The following FHIT variants were observed in gnomAD, a reference collection of about 807,000 sequenced individuals.
FHIT encodes the protein bis(5'-adenosyl)-triphosphatase.
Under a neutral mutation model 17.9 loss-of-function variants are expected in FHIT, and 19 were observed. That is an observed-to-expected ratio of 1.06 (90% CI 0.74 to 1.56). FHIT has a LOEUF of 1.56. Ranked by LOEUF, FHIT falls within the 40% of genes most tolerant of loss-of-function variation. FHIT has a pLI of 0.00. For missense variants in FHIT, 248 were observed against 189.2 expected, an observed-to-expected ratio of 1.31 and a Z score of -1.82; for synonymous variants, 81 against 69.7, an observed-to-expected ratio of 1.16 and a Z score of -0.81.
intron 5 of FHIT, among the ~76,000 whole-genome samples, chr3:60,316,014 T>C (rs1479211812): frequency 6.6e-6 from 1 of 152,212 alleles, no homozygotes; most frequent in Non-Finnish European, 1.5e-5. Context: ...CCTGACTAAC[T>C]ACACAATAGT....
At chr3:60,608,125 C>T (rs2038666310) in intron 4 of FHIT, among the ~76,000 whole-genome samples, 1 of 152,172 alleles carries the variant, frequency 6.6e-6, no homozygotes, top group Non-Finnish European at 1.5e-5. Flanking sequence ...TGTCCATCTT[C>T]CCTCGTCTGC....
chr3:61,243,404 C>T (rs2040417107), intron 1 of FHIT, among the ~76,000 whole-genome samples: 1 of 152,086 alleles, frequency 6.6e-6, no homozygotes, highest in Admixed American at 6.6e-5. Flanking sequence ...TTTTTCCTCC[C>T]TCACAATCAC....
chr3:61,137,244 C>T lies in FHIT; in HGVS notation c.-164+63373G>A, dbSNP rs74705459. ...ACTGAATAGTTTGCCTTTTCTAAAACGTATCATAGGTTTCACTCTTTTTTT... is the reference window on the plus strand; with the variant it reads ...ACTGAATAGTTTGCCTTTTCTAAAATGTATCATAGGTTTCACTCTTTTTTT... On this transcript the variant is annotated intron_variant, in intron 2 of 9. Coordinates refer to ENST00000492590, the MANE Select transcript of FHIT (RefSeq NM_002012.4). Among the ~76,000 whole-genome samples, 545 of 145,076 alleles carry T rather than the reference C, an allele frequency of 3.8e-3. 3 individuals are homozygous for T. Among genetic ancestry groups the T allele is most frequent in the African/African-American group, 0.013 (522 of 39,554 alleles).
chr3:60,064,614 C>T (rs2106940501), intron 5 of FHIT, among the ~76,000 whole-genome samples: 1 of 152,278 alleles, frequency 6.6e-6, no homozygotes, highest in South Asian at 2.1e-4. Flanking sequence ...GACTCTAGCT[C>T]ACAAAGCAGA....
intron 2 of FHIT, among the ~76,000 whole-genome samples, chr3:61,046,321 C>CCA (rs1159299059): frequency 6.6e-6 from 1 of 152,034 alleles, no homozygotes; most frequent in Non-Finnish European, 1.5e-5. Context: ...ACCACCGATC[C>CCA]CACAGAAATA....
At chr3:60,246,267 T>C (rs368491507) in intron 5 of FHIT, among the ~76,000 whole-genome samples, 5 of 152,192 alleles carry the variant, frequency 3.3e-5, no homozygotes. Flanking sequence ...CAAATATATA[T>C]AGAGAGTTAT....
rs1321930817 is a variant in FHIT, at chr3:60,269,909, C to T, written c.104-255757G>A. Among the ~76,000 whole-genome samples the T allele has an allele frequency of 2.0e-5, 3 of 152,124 alleles. No individual in the cohort carries two copies. In the East Asian group the frequency reaches 5.8e-4, roughly 29 times the overall value. ...ACCCCTATGGGTGAACATTTGCTGA[C>T]CTTGTAATTAGTTATAAACTCATGG... On this transcript the variant is annotated intron_variant, in intron 5 of 9. Coordinates refer to ENST00000492590, the MANE Select transcript of FHIT (RefSeq NM_002012.4).
At chr3:60,337,142 A>G (rs1388505536) in intron 5 of FHIT, among the ~76,000 whole-genome samples, 1 of 152,160 alleles carries the variant, frequency 6.6e-6, no homozygotes, top group Non-Finnish European at 1.5e-5. Context: ...CACAATTGAG[A>G]CAACAATTCT....
intron 4 of FHIT, among the ~76,000 whole-genome samples, chr3:60,609,095 A>G (rs1475510211): frequency 1.3e-5 from 2 of 151,808 alleles, no homozygotes; most frequent in Admixed American, 6.6e-5. Flanking sequence ...CTCTGAATGG[A>G]CATGGATCAT....
At chr3:59,796,055 T>G (rs1384566875) in intron 8 of FHIT, among the ~76,000 whole-genome samples, 1 of 152,178 alleles carries the variant, frequency 6.6e-6, no homozygotes, top group African/African-American at 2.4e-5. Context: ...GAATGCCACC[T>G]TCTGAGTTCA....
chr3:60,321,528 G>T (rs1709432719), intron 5 of FHIT, among the ~76,000 whole-genome samples: 3 of 152,102 alleles, frequency 2.0e-5, no homozygotes. Flanking sequence ...TCACTTAAGA[G>T]ATGCATAATC....
intron 5 of FHIT, among the ~76,000 whole-genome samples, chr3:60,284,690 GATAACGC>G (rs890742717): frequency 3.3e-5 from 5 of 152,006 alleles, no homozygotes; most frequent in Admixed American, 2.0e-4. Flanking sequence ...ATGTTTCTAA[GATAACGC>G]ATGGACTTTT....
At chr3:61,073,323 C>T (rs1458732613) in intron 2 of FHIT, among the ~76,000 whole-genome samples, 1 of 151,974 alleles carries the variant, frequency 6.6e-6, no homozygotes, top group Non-Finnish European at 1.5e-5. Context: ...CTATAGGGGC[C>T]CTATAGTAAT....
intron 2 of FHIT, among the ~76,000 whole-genome samples, chr3:61,051,724 G>A (rs899945496): frequency 6.6e-6 from 1 of 152,168 alleles, no homozygotes; most frequent in Non-Finnish European, 1.5e-5. Context: ...TATAACACAT[G>A]CAAAGAGATG....
chr3:60,694,657 A>G (rs2041073298), intron 4 of FHIT, among the ~76,000 whole-genome samples: 2 of 152,220 alleles, frequency 1.3e-5, no homozygotes. Context: ...AAGACCTGGA[A>G]CCAACCCAAA....
At chr3:60,161,146 G>C (rs1700921172) in intron 5 of FHIT, among the ~76,000 whole-genome samples, 1 of 152,192 alleles carries the variant, frequency 6.6e-6, no homozygotes, top group Non-Finnish European at 1.5e-5. Flanking sequence ...GTGTGGCTAT[G>C]TTTGGTCTCT....
intron 5 of FHIT, among the ~76,000 whole-genome samples, chr3:60,046,394 G>C (rs923060423): frequency 6.6e-6 from 1 of 152,212 alleles, no homozygotes; most frequent in African/African-American, 2.4e-5. Flanking sequence ...GTAGCTGGCT[G>C]CATCTGTGCT....
intron 4 of FHIT, among the ~76,000 whole-genome samples, chr3:60,555,359 C>T (rs1162959410): frequency 6.6e-6 from 1 of 152,132 alleles, no homozygotes; most frequent in African/African-American, 2.4e-5. Context: ...AATAGAGCTT[C>T]CCAACTTCAG....
intron 5 of FHIT, among the ~76,000 whole-genome samples, chr3:60,282,827 C>T (rs1005392140): frequency 6.6e-6 from 1 of 152,088 alleles, no homozygotes; most frequent in Non-Finnish European, 1.5e-5. Flanking sequence ...CTAGGATGAT[C>T]TCTAGGCTCT....
Sources: allele counts gnomAD v4.1 joint callset (sites outside exome capture counted in the v4.1 genomes callset), GRCh38; gene constraint gnomAD v4.1.1; transcripts MANE v1.5; gene names NCBI Gene and HGNC (gene_info 2026-07-23, HGNC 2026-07-21).